The following RIN3 variants were observed in gnomAD, a reference collection of about 807,000 sequenced individuals.
RIN3 encodes the protein Ras and Rab interactor 3.
Under a neutral mutation model 76.3 loss-of-function variants are expected in RIN3, and 54 were observed. That is an observed-to-expected ratio of 0.71 (90% CI 0.57 to 0.89). RIN3 has a LOEUF of 0.89. Ranked by LOEUF, RIN3 falls within the 40% of genes least tolerant of loss-of-function variation. The probability of loss-of-function intolerance (pLI) is 0.00; values close to 1 mark genes in which losing one functional copy is unlikely to be tolerated. For synonymous variants in RIN3, 576 were observed against 564.0 expected (o/e 1.02, Z -0.30); for missense variants, 1,256 against 1,322.1 (o/e 0.95, Z 0.78).
chr14:92,543,192 C>T (rs867576732), intron 1 of RIN3, among the ~76,000 whole-genome samples: 31 of 151,064 alleles, frequency 2.1e-4, no homozygotes, highest in East Asian at 5.9e-4. Context: ...CTGTTCCAGC[C>T]GGAAAACAGA....
At chr14:92,583,432 C>G (rs1339562205) in intron 3 of RIN3, among the ~76,000 whole-genome samples, 3 of 152,262 alleles carry the variant, frequency 2.0e-5, no homozygotes, top group African/African-American at 7.2e-5. Flanking sequence ...TAACAAACAA[C>G]CCTAACCCCA....
Position 92,687,987 on chromosome 14 carries a change from C to A in RIN3, c.2693C>A (p.Ala898Glu). The change falls in exon 10 of 10, where the codon GCG becomes GAG. Residue 898 changes from alanine (A) to glutamate (E), a missense_variant. Coordinates refer to ENST00000216487, the MANE Select transcript of RIN3 (RefSeq NM_024832.5). The part of the protein sequence containing the change: ...EQQARTLASR[A>E]DTQAQALCAQ... ...CAGGCGCGGACGCTGGCGTCGCGGG[C>A]GGACACCCAGGCCCAGGCGCTGTGC... The A allele has an allele frequency of 6.4e-7, 1 of 1,565,054 alleles. No individual in the cohort carries two copies. Among genetic ancestry groups the A allele is most frequent in the Non-Finnish European group, 8.6e-7 (1 of 1,156,418 alleles).
chr14:92,656,049 G>A lies in RIN3; in HGVS notation c.2026+2974G>A, dbSNP rs906186390. Among the ~76,000 whole-genome samples, 1 of 152,150 alleles carries A rather than the reference G, an allele frequency of 6.6e-6. No homozygotes were observed. Among genetic ancestry groups the A allele is most frequent in the Admixed American group, 6.5e-5 (1 of 15,268 alleles). On this transcript the variant is annotated intron_variant, in intron 6 of 9. Coordinates refer to ENST00000216487, the MANE Select transcript of RIN3 (RefSeq NM_024832.5). The surrounding 1 kb of genome is among the most constrained non-coding windows in gnomAD (Gnocchi z 5.2). ...GTCTGAGGACTGAGCCACAGGCACC[G>A]TGCAGACCAGGAGGACACAGAAGGG...
chr14:92,545,875 A>G (rs530487513), intron 1 of RIN3, among the ~76,000 whole-genome samples: 1 of 152,032 alleles, frequency 6.6e-6, no homozygotes, highest in South Asian at 2.1e-4. Flanking sequence ...AATAAACAGA[A>G]TTTTGAGATT....
intron 1 of RIN3, among the ~76,000 whole-genome samples, chr14:92,539,142 T>C (rs1897076102): frequency 6.6e-6 from 1 of 151,852 alleles, no homozygotes; most frequent in Non-Finnish European, 1.5e-5. Context: ...TCTTCTCCAG[T>C]AACTATCTCC....
At chr14:92,604,703 T>G (rs761200112) in intron 3 of RIN3, among the ~76,000 whole-genome samples, 1 of 152,076 alleles carries the variant, frequency 6.6e-6, no homozygotes, top group Non-Finnish European at 1.5e-5. Context: ...TGCAAGATTT[T>G]CCTTAGGTAA....
chr14:92,550,611 G>C (rs866017452), intron 1 of RIN3, among the ~76,000 whole-genome samples: 1 of 152,106 alleles, frequency 6.6e-6, no homozygotes, highest in Non-Finnish European at 1.5e-5. Flanking sequence ...TAGAGATGTG[G>C]TCTCACTATA....
intron 1 of RIN3, among the ~76,000 whole-genome samples, chr14:92,537,190 A>G (rs558838888): frequency 6.6e-6 from 1 of 152,212 alleles, no homozygotes; most frequent in Admixed American, 6.5e-5. Flanking sequence ...ATACTGGTTT[A>G]TATGTATGTA....
rs998103548 is a variant in RIN3, at chr14:92,531,474, C to G, written c.44+17498C>G. 4.6e-5 allele frequency among the ~76,000 whole-genome samples: 7 copies of G among 152,324 alleles called. No individual in the cohort carries two copies. In the South Asian group the frequency reaches 1.5e-3, roughly 32 times the overall value. On this transcript the variant is annotated intron_variant, in intron 1 of 9. Coordinates refer to ENST00000216487, the MANE Select transcript of RIN3 (RefSeq NM_024832.5). ...ATAAATGTTAACAGGGAACAAAAAC[C>G]TGGTGGTAGAATTTCTAGCTGGGGG...
At chr14:92,583,538 A>C (rs1397364896) in intron 3 of RIN3, among the ~76,000 whole-genome samples, 2 of 152,260 alleles carry the variant, frequency 1.3e-5, no homozygotes, top group Non-Finnish European at 2.9e-5. Flanking sequence ...TTAATCAAAC[A>C]TGGATCAAAA....
chr14:92,527,991 G>A (rs1022820121), intron 1 of RIN3, among the ~76,000 whole-genome samples: 113 of 152,006 alleles, frequency 7.4e-4, no homozygotes, highest in Middle Eastern at 3.4e-3. Flanking sequence ...GGAGCCACGC[G>A]GGCAGGCTTG....
chr14:92,629,581 C>A (rs1041445052), intron 4 of RIN3, among the ~76,000 whole-genome samples: 1 of 152,236 alleles, frequency 6.6e-6, no homozygotes, highest in Non-Finnish European at 1.5e-5. Flanking sequence ...AGCTGAAGTG[C>A]GAACTGGCCT....
chr14:92,683,556 G>A (rs781437258), intron 8 of RIN3, among the ~76,000 whole-genome samples: 2 of 152,096 alleles, frequency 1.3e-5, no homozygotes, highest in Non-Finnish European at 2.9e-5. Context: ...AATTACTTTA[G>A]GAAACATTGT....
intron 4 of RIN3, among the ~76,000 whole-genome samples, chr14:92,634,856 T>TAA (rs11383121): frequency 0.13 from 16,512 of 130,098 alleles, 1,313 homozygotes; most frequent in Non-Finnish European, 0.19. Flanking sequence ...AGACTCTATC[T>TAA]AAAAAAAAAA....
chr14:92,678,668 GTCCACCCA>G (rs1888564145), intron 8 of RIN3, among the ~76,000 whole-genome samples: 1 of 149,440 alleles, frequency 6.7e-6, no homozygotes, highest in African/African-American at 2.5e-5. Context: ...CCATCCACCC[GTCCACCCA>G]TCCACTCATC....
chr14:92,655,343 G>C (rs1887628956), intron 6 of RIN3, among the ~76,000 whole-genome samples: 1 of 152,210 alleles, frequency 6.6e-6, no homozygotes, highest in Non-Finnish European at 1.5e-5. Context: ...GCGAGACTCT[G>C]TCTCAAGAAG....
chr14:92,684,574 T>C (rs1002581051), intron 8 of RIN3, among the ~76,000 whole-genome samples: 2 of 152,098 alleles, frequency 1.3e-5, no homozygotes, highest in Non-Finnish European at 2.9e-5. Context: ...AATGGAACCA[T>C]AGTAACTCAG....
intron 3 of RIN3, among the ~76,000 whole-genome samples, chr14:92,593,404 A>C (rs1253075410): frequency 1.3e-5 from 2 of 152,208 alleles, no homozygotes; most frequent in African/African-American, 4.8e-5. Flanking sequence ...AACAAGACCC[A>C]CTATATGCTG....
chr14:92,657,468 T>C (rs1011120722), intron 6 of RIN3, among the ~76,000 whole-genome samples: 2 of 152,038 alleles, frequency 1.3e-5, no homozygotes, highest in Non-Finnish European at 2.9e-5. Context: ...AAAACAGTCC[T>C]GACGTGAGGC....
Sources: allele counts gnomAD v4.1 joint callset (sites outside exome capture counted in the v4.1 genomes callset), GRCh38; gene constraint gnomAD v4.1.1; non-coding constraint Gnocchi (gnomAD v3.1); transcripts MANE v1.5; gene names NCBI Gene and HGNC (gene_info 2026-07-23, HGNC 2026-07-21).